The following FUT8 variants were observed in gnomAD, a reference collection of about 807,000 sequenced individuals.
FUT8 encodes fucosyltransferase 8.
In FUT8, 29 loss-of-function variants were observed where a neutral mutation model predicts 71.3. The ratio of observed to expected loss-of-function variants is 0.41; its 90% CI spans 0.30 to 0.55. The LOEUF is 0.55. Ranked by LOEUF, FUT8 falls within the 20% of genes least tolerant of loss-of-function variation. The pLI is 0.34. For missense variants in FUT8, 544 were observed against 702.1 expected (o/e 0.77, Z 2.55); for synonymous variants, 254 against 239.3 (o/e 1.06, Z -0.57).
At chr14:65,626,292 G>A (rs1039098316) in intron 5 of FUT8, among the ~76,000 whole-genome samples, 2 of 151,762 alleles carry the variant, frequency 1.3e-5, no homozygotes, top group Admixed American at 1.3e-4. Flanking sequence ...CTTTAGAGAA[G>A]GTCTTTTGAT....
intron 3 of FUT8, among the ~76,000 whole-genome samples, chr14:65,575,210 C>G (rs1886691055): frequency 6.6e-6 from 1 of 151,796 alleles, no homozygotes; most frequent in African/African-American, 2.4e-5. Context: ...AAATCATTTA[C>G]CTTCGTTGTG....
chr14:65,447,152 G>A (rs2065754943), intron 1 of FUT8, among the ~76,000 whole-genome samples: 1 of 151,486 alleles, frequency 6.6e-6, no homozygotes, highest in African/African-American at 2.4e-5. Context: ...AAATTAGCAG[G>A]GCATGGTGGT....
the FUT8 span, among the ~76,000 whole-genome samples, chr14:65,390,327 A>G: frequency 6.6e-6 from 1 of 151,070 alleles, no homozygotes; most frequent in Non-Finnish European, 1.5e-5. Context: ...GTCTCAAAAA[A>G]AAAAAAAAAA....
chr14:65,579,164 G>C (rs555079658), intron 3 of FUT8, among the ~76,000 whole-genome samples: 1 of 152,278 alleles, frequency 6.6e-6, no homozygotes, highest in South Asian at 2.1e-4. Context: ...CTGCAGGTCA[G>C]TGGCAGAAGA....
At chr14:65,684,181 A>G (rs1381189937) in intron 7 of FUT8, among the ~76,000 whole-genome samples, 1 of 152,082 alleles carries the variant, frequency 6.6e-6, no homozygotes, top group Non-Finnish European at 1.5e-5. Context: ...ACTATAATAT[A>G]CCCTTAAATA....
At chr14:65,370,889 C>T in the FUT8 span, among the ~76,000 whole-genome samples, 4 of 152,022 alleles carry the variant, frequency 2.6e-5, no homozygotes, top group Admixed American at 1.3e-4. Context: ...ATTTGAACAA[C>T]GAACAATATG....
intron 2 of FUT8, among the ~76,000 whole-genome samples, chr14:65,465,237 T>A (rs1023274694): frequency 6.6e-6 from 1 of 152,234 alleles, no homozygotes; most frequent in Non-Finnish European, 1.5e-5. Context: ...AATTAAAAGC[T>A]TAGATGATTA....
rs1250281478 is a variant in FUT8, at chr14:65,616,356, T to G, written c.465T>G (p.Asp155Glu). The G allele has an allele frequency of 6.3e-7, 1 of 1,599,976 alleles. No individual in the cohort carries two copies. The highest frequency in any genetic ancestry group is 8.5e-7 in the Non-Finnish European group (1 of 1,174,726). Reference sequence around the variant, plus strand: ...GACATGCAGATGAATTTCTTTTGGATTTAGGACATCATGAAAGGTACTATT... The same window carrying G: ...GACATGCAGATGAATTTCTTTTGGAGTTAGGACATCATGAAAGGTACTATT... ...LQRHADEFLL[D>E]LGHHERSIMT... The change falls in exon 5 of 11, where the codon GAT becomes GAG. Residue 155 changes from aspartate to glutamate, a missense_variant. Transcript: ENST00000673929.
chr14:65,672,233 C>T (rs1892507102), intron 7 of FUT8, among the ~76,000 whole-genome samples: 1 of 152,124 alleles, frequency 6.6e-6, no homozygotes, highest in South Asian at 2.1e-4. Context: ...CAAAATATTT[C>T]CCATCACCTG....
At chr14:65,416,740 G>T (rs186811501) in intron 1 of FUT8, among the ~76,000 whole-genome samples, 13 of 151,066 alleles carry the variant, frequency 8.6e-5, no homozygotes, top group Middle Eastern at 3.4e-3. Flanking sequence ...ATATGGGGAT[G>T]TGTAGATTTA....
rs142405468 is a variant in FUT8, at chr14:65,639,847, T to C, written c.597+10241T>C. On this transcript the variant is annotated intron_variant, in intron 6 of 10. Transcript: ENST00000673929. ...CATTTTATAATTTCATTTGTATTTA[T>C]TTCAGTATGAATTTCTAAAAGATAG... 2.9e-3 allele frequency among the ~76,000 whole-genome samples: 434 copies of C among 152,214 alleles called. 5 individuals carry two copies. Among genetic ancestry groups the C allele is most frequent in the African/African-American group, 9.5e-3 (395 of 41,582 alleles).
chr14:65,416,470 T>C (rs2065220676), intron 1 of FUT8, among the ~76,000 whole-genome samples: 1 of 152,130 alleles, frequency 6.6e-6, no homozygotes. Context: ...AGTACTTTTG[T>C]ACCCTGCATC....
intron 2 of FUT8, among the ~76,000 whole-genome samples, chr14:65,558,469 A>T (rs1305075438): frequency 6.6e-6 from 1 of 152,196 alleles, no homozygotes; most frequent in Non-Finnish European, 1.5e-5. Flanking sequence ...TCCTTATAAT[A>T]GCATTCTCTC....
At chr14:65,504,914 G>A (rs1364419267) in intron 2 of FUT8, among the ~76,000 whole-genome samples, 1 of 152,184 alleles carries the variant, frequency 6.6e-6, no homozygotes, top group East Asian at 1.9e-4. Flanking sequence ...TGCACGCCGG[G>A]CTGGGCAACA....
intron 7 of FUT8, among the ~76,000 whole-genome samples, chr14:65,675,918 A>G (rs1232544156): frequency 6.6e-6 from 1 of 152,050 alleles, no homozygotes; most frequent in Non-Finnish European, 1.5e-5. Context: ...AATCACTTGA[A>G]CCTGAGAGGC....
intron 1 of FUT8, among the ~76,000 whole-genome samples, chr14:65,427,015 T>C (rs1002059277): frequency 6.6e-6 from 1 of 151,980 alleles, no homozygotes. Context: ...CCCGCTACCA[T>C]GCCCGGCTAA....
chr14:65,681,640 G>A (rs1893040403), intron 7 of FUT8, among the ~76,000 whole-genome samples: 1 of 152,142 alleles, frequency 6.6e-6, no homozygotes, highest in South Asian at 2.1e-4. Flanking sequence ...TCAGTTGTAT[G>A]TGTGTATGTG....
chr14:65,657,127 G>A (rs549598079), intron 6 of FUT8, among the ~76,000 whole-genome samples: 3 of 152,072 alleles, frequency 2.0e-5, no homozygotes, highest in Non-Finnish European at 4.4e-5. Context: ...ATAAGCACAG[G>A]CAACCAAAGC....
intron 2 of FUT8, among the ~76,000 whole-genome samples, chr14:65,510,903 G>A (rs2139815686): frequency 6.6e-6 from 1 of 151,904 alleles, no homozygotes; most frequent in Non-Finnish European, 1.5e-5. Flanking sequence ...TCAATTTCCT[G>A]TATTTCTGCT....
Sources: allele counts gnomAD v4.1 joint callset (sites outside exome capture counted in the v4.1 genomes callset), GRCh38; gene constraint gnomAD v4.1.1; transcripts MANE v1.5; gene names NCBI Gene and HGNC (gene_info 2026-07-23, HGNC 2026-07-21).